TBC1D5: variants seen among roughly 807,000 people sequenced by gnomAD.
The protein encoded by TBC1D5 is TBC1 domain family member 5.
A neutral mutation model predicts 100.3 loss-of-function variants in TBC1D5; 75 were observed. That is an observed-to-expected ratio of 0.75 (90% CI 0.62 to 0.91). TBC1D5 has a LOEUF of 0.91. TBC1D5 is among the 40% of genes least tolerant of loss of function. TBC1D5 has a pLI of 0.00. For missense variants in TBC1D5, 910 were observed against 942.4 expected, an observed-to-expected ratio of 0.97 and a Z score of 0.45; for synonymous variants, 323 against 325.6, an observed-to-expected ratio of 0.99 and a Z score of 0.09.
intron 1 of TBC1D5, among the ~76,000 whole-genome samples, chr3:17,658,605 A>G (rs986461545): frequency 2.6e-5 from 4 of 152,230 alleles, no homozygotes; most frequent in Non-Finnish European, 1.5e-5. Context: ...CGTGGCAAGA[A>G]AGTAAGACCA....
intron 2 of TBC1D5, among the ~76,000 whole-genome samples, chr3:17,600,241 T>C (rs1359221800): frequency 7.4e-6 from 1 of 135,740 alleles, no homozygotes; most frequent in Non-Finnish European, 1.6e-5. Context: ...TGTTATGTTA[T>C]GTTAATAACG....
At chr3:17,597,909 T>C (rs1426334329) in intron 2 of TBC1D5, among the ~76,000 whole-genome samples, 2 of 152,146 alleles carry the variant, frequency 1.3e-5, no homozygotes, top group Non-Finnish European at 1.5e-5. Flanking sequence ...CTAGGTAACC[T>C]CTCTTCTATA....
intron 1 of TBC1D5, among the ~76,000 whole-genome samples, chr3:17,678,037 G>A (rs139990288): frequency 0.05 from 7,596 of 152,174 alleles, 598 homozygotes; most frequent in African/African-American, 0.17. Context: ...TATACCTAAT[G>A]TAAATGACGA....
chr3:17,468,333 T>C lies in TBC1D5; in HGVS notation c.98-39814A>G, dbSNP rs1019210548. Among the ~76,000 whole-genome samples, 3 of 152,304 alleles carry C rather than the reference T, an allele frequency of 2.0e-5. No individual in the cohort carries two copies. In the South Asian group the frequency reaches 6.2e-4, roughly 32 times the overall value. On this transcript the variant is annotated intron_variant, in intron 3 of 21. Transcript: ENST00000253692. The stretch of plus-strand genomic sequence containing the variant: ...CTATTTCCTCAGTTTGGAATGTCCT[T>C]GCCCCAAAACTTACATGGTTCACTC...
At chr3:17,462,348 G>A (rs867050657) in intron 3 of TBC1D5, among the ~76,000 whole-genome samples, 4 of 143,396 alleles carry the variant, frequency 2.8e-5, no homozygotes, top group Middle Eastern at 3.5e-3. Context: ...TTTTGAGCCA[G>A]GGTCTCACTG....
chr3:17,613,455 C>T (rs1427424525), intron 2 of TBC1D5, among the ~76,000 whole-genome samples: 2 of 152,192 alleles, frequency 1.3e-5, no homozygotes, highest in African/African-American at 2.4e-5. Flanking sequence ...CTTCAGGAAT[C>T]GCCACACTGC....
exon 22 of TBC1D5, chr3:17,160,705 T>TCTAA: frequency 2.1e-6 from 1 of 482,896 alleles, no homozygotes; most frequent in East Asian, 3.2e-5. Context: ...GTAACTCAGC[T>TCTAA]CTAACTCAGA....
intron 1 of TBC1D5, among the ~76,000 whole-genome samples, chr3:17,684,327 A>T (rs752429016): frequency 5.5e-4 from 84 of 152,254 alleles, no homozygotes; most frequent in Non-Finnish European, 1.1e-3. Context: ...TTTCAAAATA[A>T]GAAATTTGGA....
intron 2 of TBC1D5, among the ~76,000 whole-genome samples, chr3:17,597,641 A>C (rs1166495646): frequency 6.6e-6 from 1 of 152,236 alleles, no homozygotes; most frequent in African/African-American, 2.4e-5. Context: ...TCTGGTTTTT[A>C]TGTTAAATGA....
chr3:17,685,044 C>T (rs2070059378), intron 1 of TBC1D5, among the ~76,000 whole-genome samples: 1 of 151,988 alleles, frequency 6.6e-6, no homozygotes, highest in African/African-American at 2.4e-5. Flanking sequence ...CTGAGGTTTA[C>T]ATGTTCAATC....
intron 1 of TBC1D5, among the ~76,000 whole-genome samples, chr3:17,698,149 A>G (rs1047001472): frequency 6.6e-6 from 1 of 152,190 alleles, no homozygotes; most frequent in Non-Finnish European, 1.5e-5. Context: ...ACTATACTAC[A>G]AGGCTACAGT....
intron 2 of TBC1D5, among the ~76,000 whole-genome samples, chr3:17,613,398 C>T (rs915123743): frequency 2.0e-5 from 3 of 152,170 alleles, no homozygotes; most frequent in African/African-American, 4.8e-5. Context: ...TGGGTATATA[C>T]CCAGTAATGG....
intron 2 of TBC1D5, among the ~76,000 whole-genome samples, chr3:17,618,164 A>G (rs980771005): frequency 6.6e-6 from 1 of 152,154 alleles, no homozygotes; most frequent in Non-Finnish European, 1.5e-5. Flanking sequence ...CCTCAGCTGC[A>G]GGTCTGTTGG....
chr3:17,518,033 A>G (rs1048851552), intron 2 of TBC1D5, among the ~76,000 whole-genome samples: 1 of 152,202 alleles, frequency 6.6e-6, no homozygotes, highest in African/African-American at 2.4e-5. Flanking sequence ...AAAATTCTTC[A>G]TAAGACAGCA....
chr3:17,464,586 G>A (rs2095271160), intron 3 of TBC1D5, among the ~76,000 whole-genome samples: 1 of 151,952 alleles, frequency 6.6e-6, no homozygotes, highest in South Asian at 2.1e-4. Context: ...TAAAACTAGA[G>A]CAGTCTCTAA....
At chr3:17,489,788 T>C (rs1276894605) in intron 3 of TBC1D5, among the ~76,000 whole-genome samples, 1 of 152,210 alleles carries the variant, frequency 6.6e-6, no homozygotes, top group Non-Finnish European at 1.5e-5. Flanking sequence ...TCCACTTCTT[T>C]GCTATTGTGA....
intron 3 of TBC1D5, among the ~76,000 whole-genome samples, chr3:17,507,258 C>T (rs925056535): frequency 6.6e-6 from 1 of 152,030 alleles, no homozygotes; most frequent in Admixed American, 6.5e-5. Flanking sequence ...ATGCCTAGCA[C>T]TGAGATATTA....
rs566038418 is a variant in TBC1D5, at chr3:17,318,074, G to T, written c.996-9940C>A. On this transcript the variant is annotated intron_variant, in intron 13 of 21. Coordinates refer to ENST00000253692, the Ensembl canonical transcript of TBC1D5. ...AAAAAATGATGAGTTCATGTCCTTCGTAGGGACAGGGATGAAACTGGAAAT... is the reference window on the plus strand; with the variant it reads ...AAAAAATGATGAGTTCATGTCCTTCTTAGGGACAGGGATGAAACTGGAAAT... 2.6e-5 allele frequency among the ~76,000 whole-genome samples: 4 copies of T among 152,178 alleles called. No homozygotes were observed. The South Asian group carries it at 6.2e-4, about 24-fold the overall frequency.
chr3:17,461,588 G>C (rs1397833345), intron 3 of TBC1D5, among the ~76,000 whole-genome samples: 1 of 152,162 alleles, frequency 6.6e-6, no homozygotes, highest in Non-Finnish European at 1.5e-5. Flanking sequence ...CAAGGAGGCA[G>C]AGATCAAGGG....
Sources: allele counts gnomAD v4.1 joint callset (sites outside exome capture counted in the v4.1 genomes callset), GRCh38; gene constraint gnomAD v4.1.1; transcripts MANE v1.5; gene names NCBI Gene and HGNC (gene_info 2026-07-23, HGNC 2026-07-21).